The following ZC3H18 variants were observed in gnomAD, a reference collection of about 807,000 sequenced individuals.
ZC3H18 encodes the protein zinc finger CCCH-type containing 18.
In ZC3H18, 8 loss-of-function variants were observed where a neutral mutation model predicts 106.1. The observed-to-expected ratio is 0.08, with a 90% CI of 0.04 to 0.14. The LOEUF (loss-of-function observed/expected upper bound fraction) is 0.14, where lower values mean the gene tolerates loss of function less well. ZC3H18 is among the 10% of genes least tolerant of loss of function. The pLI is 1.00. For missense variants in ZC3H18, 1,318 were observed against 1,278.4 expected (o/e 1.03, Z -0.47); for synonymous variants, 635 against 522.1 (o/e 1.22, Z -2.95).
intron 8 of ZC3H18, among the ~76,000 whole-genome samples, chr16:88,619,778 G>A (rs553530893): frequency 1.3e-5 from 2 of 152,274 alleles, no homozygotes; most frequent in South Asian, 2.1e-4. Flanking sequence ...TCCTGACCAC[G>A]CCTTGACTTC....
intron 8 of ZC3H18, 87 bp downstream of exon 8, chr16:88,611,623 CTG>C: frequency 2.0e-6 from 3 of 1,480,914 alleles, no homozygotes; most frequent in Non-Finnish European, 2.7e-6. Flanking sequence ...CGCTTCCCCT[CTG>C]TGGCCCACAG....
chr16:88,597,678 G>A (rs1033110224), intron 3 of ZC3H18, among the ~76,000 whole-genome samples: 1 of 152,204 alleles, frequency 6.6e-6, no homozygotes, highest in Non-Finnish European at 1.5e-5. Context: ...GAAATGCCCT[G>A]TGAGAGTTTT....
chr16:88,602,742 G>GA (rs1267237029), intron 6 of ZC3H18, among the ~76,000 whole-genome samples: 1 of 152,138 alleles, frequency 6.6e-6, no homozygotes, highest in Non-Finnish European at 1.5e-5. Context: ...CCAACTCCTG[G>GA]ACTCAAGCAA....
At chr16:88,626,164 C>G (rs1040923767) in intron 13 of ZC3H18, 2 of 151,994 alleles carry the variant, frequency 1.3e-5, no homozygotes, top group Non-Finnish European at 2.9e-5. Flanking sequence ...TACCACGTTT[C>G]TGATCTTGAA....
intron 15 of ZC3H18, 118 bp downstream of exon 15, chr16:88,628,237 G>A: frequency 8.5e-7 from 1 of 1,170,574 alleles, no homozygotes; most frequent in Non-Finnish European, 1.2e-6. Context: ...GGGCCTTGCA[G>A]GTGTCAGCAC....
intron 1 of ZC3H18, 130 bp downstream of exon 1, chr16:88,570,696 A>G (rs2142500149): frequency 6.6e-6 from 1 of 151,024 alleles, no homozygotes; most frequent in East Asian, 2.0e-4. Flanking sequence ...GTGCGGACCC[A>G]CCGGCCGAAG....
chr16:88,627,952 G>C lies in ZC3H18; in HGVS notation c.2302G>C (p.Glu768Gln). The change falls in exon 15 of 18, where the codon GAA becomes CAA. Residue 768 changes from glutamate to glutamine, a missense_variant. By Grantham distance (29) the Glu-to-Gln change is conservative (BLOSUM62 2). This residue lies in a region of ZC3H18 where 848 missense variants were observed against 821.7 expected (regional missense o/e 1.03). Transcript: ENST00000301011. This position sits in a 1 kb window ranked among gnomAD's most constrained non-coding sequence, Gnocchi z 4.5. The stretch of plus-strand genomic sequence containing the variant: ...TAAGAAAGAAGACGGTGTTAAAGAG[G>C]AAAAGCGGAAAAGGGATTCGTCCAC... ...KSKKEDGVKEEKRKRDSSTQP... is the reference protein window; with the variant it reads ...KSKKEDGVKEQKRKRDSSTQP... The C allele has an allele frequency of 6.2e-7, 1 of 1,614,118 alleles. No individual in the cohort carries two copies. Among genetic ancestry groups the C allele is most frequent in the Non-Finnish European group, 8.5e-7 (1 of 1,180,044 alleles).
chr16:88,621,223 G>GTT (rs1366587910), intron 8 of ZC3H18, among the ~76,000 whole-genome samples: 1 of 141,720 alleles, frequency 7.1e-6, no homozygotes, highest in African/African-American at 2.6e-5. Flanking sequence ...TTTTGTTTTT[G>GTT]TTTTTATTTT....
intron 8 of ZC3H18, among the ~76,000 whole-genome samples, chr16:88,614,246 G>A (rs1047924414): frequency 1.3e-5 from 2 of 152,234 alleles, no homozygotes; most frequent in Admixed American, 6.5e-5. Context: ...GCCACACTTG[G>A]AGGGGCCACA....
chr16:88,614,313 G>A (rs893264685), intron 8 of ZC3H18, among the ~76,000 whole-genome samples: 1 of 152,246 alleles, frequency 6.6e-6, no homozygotes, highest in Non-Finnish European at 1.5e-5. Flanking sequence ...CTGTGGCTCT[G>A]GAAGGATTTG....
intron 2 of ZC3H18, among the ~76,000 whole-genome samples, chr16:88,585,724 G>A (rs1395352574): frequency 1.3e-5 from 2 of 152,250 alleles, no homozygotes; most frequent in Admixed American, 1.3e-4. Flanking sequence ...AATGAGAGAG[G>A]TCAGTTAGAA....
rs902152253 is a variant in ZC3H18 at position 88,579,561 on chromosome 16, A to G, written c.603+1835A>G. Among the ~76,000 whole-genome samples the G allele has an allele frequency of 1.3e-5, 2 of 152,104 alleles. 1 individual carries two copies. Among genetic ancestry groups the G allele is most frequent in the Middle Eastern group, 6.3e-3 (2 of 316 alleles). ...ACCATGGGCGCGGGCGGTGCGGTAGATGGGTCCAGCTGCTCTGGAGAATGG... is the reference window on the plus strand; with the variant it reads ...ACCATGGGCGCGGGCGGTGCGGTAGGTGGGTCCAGCTGCTCTGGAGAATGG... On this transcript the variant is annotated intron_variant, in intron 2 of 17. Transcript: ENST00000301011.
chr16:88,581,280 C>T (rs541231885), intron 2 of ZC3H18, among the ~76,000 whole-genome samples: 33 of 152,332 alleles, frequency 2.2e-4, no homozygotes, highest in Non-Finnish European at 2.6e-4. Flanking sequence ...AAGCCACTGT[C>T]CCTGGCCTGA....
intron 2 of ZC3H18, among the ~76,000 whole-genome samples, chr16:88,578,261 A>G (rs902075197): frequency 2.6e-5 from 4 of 152,204 alleles, no homozygotes; most frequent in African/African-American, 7.2e-5. Flanking sequence ...CATATCCCTG[A>G]AAAGACTGTG....
chr16:88,608,109 GT>G (rs1006370464), intron 6 of ZC3H18, among the ~76,000 whole-genome samples: 32 of 152,164 alleles, frequency 2.1e-4, no homozygotes, highest in African/African-American at 7.5e-4. Context: ...AAGTCTCTGG[GT>G]TTTTCATGTA....
chr16:88,582,712 C>T (rs1915208726), intron 2 of ZC3H18, among the ~76,000 whole-genome samples: 1 of 152,172 alleles, frequency 6.6e-6, no homozygotes. Context: ...TTCCACATAG[C>T]CACATGAAAA....
intron 5 of ZC3H18, 30 bp from the exon 6 acceptor site, chr16:88,599,761 A>G (rs1330109028): frequency 1.3e-6 from 2 of 1,597,668 alleles, no homozygotes; most frequent in East Asian, 2.2e-5. Context: ...ATTCTGTTCC[A>G]TGTTGACTTC....
intron 1 of ZC3H18, among the ~76,000 whole-genome samples, chr16:88,574,555 C>G (rs1470776730): frequency 1.3e-5 from 2 of 151,046 alleles, no homozygotes; most frequent in African/African-American, 4.9e-5. Context: ...GAGTCAGGGT[C>G]TCACTCTGTC....
intron 3 of ZC3H18, among the ~76,000 whole-genome samples, chr16:88,594,522 CCTGT>C (rs1179935547): frequency 3.9e-5 from 6 of 152,188 alleles, no homozygotes; most frequent in Non-Finnish European, 7.3e-5. Context: ...CTATCTGTTT[CCTGT>C]CTGTTTCCCT....
Sources: gnomAD v4.1 joint callset for allele counts (sites outside exome capture counted in the v4.1 genomes callset) on GRCh38, gnomAD v4.1.1 for gene constraint, gnomAD v4.1.1 regional missense constraint, Gnocchi (gnomAD v3.1) non-coding constraint, MANE v1.5 for transcripts, NCBI Gene and HGNC (gene_info 2026-07-23, HGNC 2026-07-21) for gene names.